The following RGS7 variants were observed in gnomAD, a reference collection of about 807,000 sequenced individuals.
RGS7 encodes the protein regulator of G protein signaling 7.
RGS7 carries 27 observed loss-of-function variants against 81.1 expected under a neutral mutation model. The observed-to-expected ratio is 0.33, with a 90% confidence interval of 0.25 to 0.46. The LOEUF (loss-of-function observed/expected upper bound fraction) is 0.46. RGS7 is among the 20% of genes least tolerant of loss of function. The pLI, the probability that RGS7 is intolerant of heterozygous loss-of-function variation, is 1.00. For missense variants in RGS7, 396 were observed against 607.4 expected (o/e 0.65, Z 3.66); for synonymous variants, 208 against 207.7 (o/e 1.00, Z -0.01).
chr1:241,175,323 A>C (rs1194639085), intron 2 of RGS7, among the ~76,000 whole-genome samples: 1 of 152,204 alleles, frequency 6.6e-6, no homozygotes, highest in Non-Finnish European at 1.5e-5. Flanking sequence ...AAAGCTTAGA[A>C]GTCAGTGGTG....
chr1:241,104,290 T>C (rs1193374844), intron 2 of RGS7, among the ~76,000 whole-genome samples: 1 of 152,162 alleles, frequency 6.6e-6, no homozygotes, highest in East Asian at 1.9e-4. Context: ...TGTAGTTAAG[T>C]GCAAATATTT....
intron 14 of RGS7, among the ~76,000 whole-genome samples, chr1:240,811,089 A>G (rs1689768651): frequency 6.6e-6 from 1 of 152,228 alleles, no homozygotes; most frequent in Non-Finnish European, 1.5e-5. Flanking sequence ...CTTCGTTCCA[A>G]TGAAAATAAA....
chr1:240,886,684 T>A (rs452157), intron 6 of RGS7, among the ~76,000 whole-genome samples: 1 of 151,916 alleles, frequency 6.6e-6, no homozygotes, highest in Non-Finnish European at 1.5e-5. Context: ...AATACGAGAC[T>A]GAGAGTCCCA....
In RGS7 at chr1:240,998,370, G is replaced by A. The variant is rs1016916915; in HGVS notation, c.176-15241C>T. 1.4e-5 allele frequency: 7 copies of A among 516,800 alleles called. No individual in the cohort carries two copies. In the African/African-American group the frequency reaches 1.4e-4, roughly 10 times the overall value. 32.0% of individuals were successfully genotyped at this position (516,800 alleles called of 1,614,324 possible). On this transcript the variant is annotated intron_variant, in intron 3 of 18. Coordinates refer to ENST00000440928, the MANE Select transcript of RGS7 (RefSeq NM_001364886.1). Reference sequence around the variant, plus strand: ...TTTATATCTTTGCTATGCTTGTGATGTTTTTAAGCCATTATTTCTTCAAGT... The same window carrying A: ...TTTATATCTTTGCTATGCTTGTGATATTTTTAAGCCATTATTTCTTCAAGT...
chr1:240,831,984 T>C, intron 9 of RGS7, among the ~76,000 whole-genome samples: 1 of 152,176 alleles, frequency 6.6e-6, no homozygotes, highest in Non-Finnish European at 1.5e-5. Flanking sequence ...CTCCTCAACA[T>C]GGCAAACACT....
Position 241,355,830 on chromosome 1 carries a change from C to G in RGS7, c.-50-4G>C. 6.7e-7 allele frequency: 1 copy of G among 1,487,172 alleles called. No individual in the cohort carries two copies. Among genetic ancestry groups the G allele is most frequent in the Middle Eastern group, 1.7e-4 (1 of 5,794 alleles). 92.1% of individuals were successfully genotyped at this position (1,487,172 alleles called of 1,614,324 possible). On this transcript the variant is annotated splice_region_variant and splice_polypyrimidine_tract_variant and intron_variant, in intron 1 of 18. Transcript: ENST00000440928. ...ATACAAGAATTATCAGTGTGCCCTG[C>G]AAAGGGTCAGAGAGACTTCAGTGAG...
chr1:240,862,381 G>A (rs1057511296), intron 9 of RGS7, among the ~76,000 whole-genome samples: 12 of 152,140 alleles, frequency 7.9e-5, no homozygotes, highest in African/African-American at 2.9e-4. Context: ...ATTCTGAACT[G>A]TTATTTCAAA....
At chr1:240,809,382 T>C (rs1689446904) in intron 14 of RGS7, among the ~76,000 whole-genome samples, 1 of 152,176 alleles carries the variant, frequency 6.6e-6, no homozygotes, top group Non-Finnish European at 1.5e-5. Context: ...TTAGGTAAGA[T>C]GCACGGAGAG....
chr1:241,075,420 AAG>A (rs1434647402), intron 3 of RGS7, among the ~76,000 whole-genome samples: 4 of 152,130 alleles, frequency 2.6e-5, no homozygotes, highest in Admixed American at 1.3e-4. Context: ...CGAGGAGAAA[AAG>A]AGAGAGAAAG....
chr1:241,024,038 C>A (rs1313718806), intron 3 of RGS7, among the ~76,000 whole-genome samples: 2 of 152,172 alleles, frequency 1.3e-5, no homozygotes, highest in African/African-American at 4.8e-5. Context: ...CAGGCATGAG[C>A]CAACACATCC....
chr1:241,151,565 C>CTTTTTTTT (rs58097674), intron 2 of RGS7, among the ~76,000 whole-genome samples: 11 of 116,476 alleles, frequency 9.4e-5, no homozygotes, highest in African/African-American at 3.6e-4. Flanking sequence ...ATTAGGAACT[C>CTTTTTTTT]TTTTTTTTTT....
chr1:240,871,738 A>T (rs1419004712), intron 6 of RGS7, among the ~76,000 whole-genome samples: 1 of 152,208 alleles, frequency 6.6e-6, no homozygotes, highest in African/African-American at 2.4e-5. Flanking sequence ...GTTGTAAAAG[A>T]AATTGAAGCG....
At chr1:241,330,453 C>T (rs2081910568) in intron 2 of RGS7, among the ~76,000 whole-genome samples, 1 of 152,070 alleles carries the variant, frequency 6.6e-6, no homozygotes, top group African/African-American at 2.4e-5. Context: ...TTTAAATAAC[C>T]CATCACTTGA....
chr1:240,937,604 T>A (rs561707991), intron 4 of RGS7, among the ~76,000 whole-genome samples: 1 of 152,242 alleles, frequency 6.6e-6, no homozygotes. Flanking sequence ...TGTTGGCCCA[T>A]GTGATAATGT....
rs35370399 is a variant in RGS7 at position 240,891,201 on chromosome 1, T to TGGGG, written c.386-21086_386-21083dup. On this transcript the variant is annotated intron_variant, in intron 6 of 18. Transcript: ENST00000440928. ...TTTAATTATTTTTTTCCAGCATCAC[T>TGGGG]GGGGGGGTGGTTATGAAAATTGAAG... 4.9e-3 allele frequency among the ~76,000 whole-genome samples: 746 copies of TGGGG among 151,782 alleles called. 5 individuals are homozygous for TGGGG. Among genetic ancestry groups the TGGGG allele is most frequent in the African/African-American group, 0.016 (659 of 41,340 alleles).
intron 2 of RGS7, among the ~76,000 whole-genome samples, chr1:241,277,792 T>C (rs1001392866): frequency 6.6e-6 from 1 of 152,182 alleles, no homozygotes; most frequent in African/African-American, 2.4e-5. Context: ...AAGATGCATT[T>C]GTTTAGTAGA....
chr1:241,249,610 G>C (rs528360579), intron 2 of RGS7, among the ~76,000 whole-genome samples: 131 of 152,232 alleles, frequency 8.6e-4, no homozygotes, highest in Non-Finnish European at 1.6e-3. Context: ...GAAAAAGCCT[G>C]CTGAGATTTC....
intron 4 of RGS7, among the ~76,000 whole-genome samples, chr1:240,968,830 CATT>C (rs1219221541): frequency 1.3e-5 from 2 of 152,114 alleles, no homozygotes; most frequent in African/African-American, 4.8e-5. Context: ...CATCTCCTAT[CATT>C]ATTAGCTGTG....
intron 6 of RGS7, among the ~76,000 whole-genome samples, chr1:240,889,762 A>C (rs184978276): frequency 9.2e-5 from 14 of 152,200 alleles, no homozygotes; most frequent in African/African-American, 3.4e-4. Flanking sequence ...CTAACTAGAG[A>C]TCAGTCTGAT....
Sources: allele counts gnomAD v4.1 joint callset (sites outside exome capture counted in the v4.1 genomes callset), GRCh38; gene constraint gnomAD v4.1.1; transcripts MANE v1.5; gene names NCBI Gene and HGNC (gene_info 2026-07-23, HGNC 2026-07-21).